CSMD2: variants seen among roughly 807,000 people sequenced by gnomAD.
CSMD2 encodes CUB and Sushi multiple domains 2.
In CSMD2, 130 loss-of-function variants were observed where a neutral mutation model predicts 398.5. That is an observed-to-expected ratio of 0.33 (90% CI 0.28 to 0.38). The LOEUF (loss-of-function observed/expected upper bound fraction) is 0.38. Ranked by LOEUF, CSMD2 falls within the 10% of genes least tolerant of loss-of-function variation. The pLI is 1.00. For missense variants in CSMD2, 3,829 were observed against 4,764.9 expected, an observed-to-expected ratio of 0.80 and a Z score of 5.78; for synonymous variants, 1,828 against 1,908.5, an observed-to-expected ratio of 0.96 and a Z score of 1.10.
At chr1:34,030,793 G>A (rs1421942420) in intron 3 of CSMD2, among the ~76,000 whole-genome samples, 1 of 152,142 alleles carries the variant, frequency 6.6e-6, no homozygotes, top group African/African-American at 2.4e-5. Flanking sequence ...GAGAGCCTAG[G>A]GCCCGGCCAG....
intron 1 of CSMD2, among the ~76,000 whole-genome samples, chr1:34,148,320 G>A (rs1191029821): frequency 1.3e-5 from 2 of 152,100 alleles, no homozygotes; most frequent in Non-Finnish European, 2.9e-5. Flanking sequence ...TCATTGCTCC[G>A]CATCAAAAAC....
At chr1:33,686,741 C>T (rs1276404804) in intron 25 of CSMD2, among the ~76,000 whole-genome samples, 20 of 152,214 alleles carry the variant, frequency 1.3e-4, no homozygotes. Context: ...TGCAAGCCTT[C>T]TCCTGTCTGT....
chr1:33,692,634 A>G lies in CSMD2; in HGVS notation c.4052+296T>C, dbSNP rs537134614. On this transcript the variant is annotated intron_variant, in intron 25 of 70. Transcript: ENST00000373381. Reference sequence around the variant, plus strand: ...TTTCCCAAAGTCCTGCAAACAGTACATGGAAGGGTTGGATTCAAATGGGGG... The same window carrying G: ...TTTCCCAAAGTCCTGCAAACAGTACGTGGAAGGGTTGGATTCAAATGGGGG... Among the ~76,000 whole-genome samples the G allele has an allele frequency of 4.3e-4, 65 of 152,352 alleles. No homozygotes were observed. In the South Asian group the frequency reaches 4.6e-3, roughly 11 times the overall value.
chr1:33,557,884 C>T lies in CSMD2; in HGVS notation c.8593G>A (p.Val2865Ile). 2 of 1,536,176 alleles carry T rather than the reference C, an allele frequency of 1.3e-6. No individual in the cohort carries two copies. The highest frequency in any genetic ancestry group is 2.4e-5 in the South Asian group (2 of 84,060). Residue 2865 changes from valine to isoleucine, a missense_variant, in exon 55 of 71, where the codon GTT becomes ATT. Around this residue, in one of 5 missense-constraint regions of CSMD2, gnomAD observed 917 missense variants for 1,199.5 expected, o/e 0.76. Coordinates refer to ENST00000373381, the MANE Select transcript of CSMD2 (RefSeq NM_001281956.2). Reference protein sequence around the residue: ...CTDPGHQENSVRQVHASGPHR... With the variant: ...CTDPGHQENSIRQVHASGPHR... The stretch of plus-strand genomic sequence containing the variant: ...GGGCCGCTGGCGTGGACCTGACGAA[C>T]ACTATTTTCTTGGTGTCCAGGATCT...
At chr1:33,783,974 G>A (rs753901337) in intron 12 of CSMD2, among the ~76,000 whole-genome samples, 6 of 151,124 alleles carry the variant, frequency 4.0e-5, no homozygotes, top group Non-Finnish European at 7.4e-5. Context: ...TTGAGTCCCC[G>A]GCCCCCACCA....
intron 39 of CSMD2, 62 bp from the exon 40 acceptor site, chr1:33,614,682 A>G: frequency 1.1e-6 from 1 of 905,600 alleles, no homozygotes; most frequent in East Asian, 2.5e-5. Context: ...GGGCCCTGCC[A>G]ATGTTTGGAA....
intron 56 of CSMD2, 30 bp downstream of exon 56, chr1:33,550,147 G>C (rs1319219668): frequency 1.9e-6 from 3 of 1,599,972 alleles, no homozygotes; most frequent in Non-Finnish European, 2.6e-6. Flanking sequence ...CATTCCACTG[G>C]AGCTCTTTCC....
chr1:34,162,247 G>A (rs1330729588), intron 1 of CSMD2, among the ~76,000 whole-genome samples: 1 of 151,248 alleles, frequency 6.6e-6, no homozygotes, highest in Non-Finnish European at 1.5e-5. Flanking sequence ...CTCCAGGGAG[G>A]CTGGGGTGGG....
At chr1:34,108,165 C>T (rs1660702683) in intron 1 of CSMD2, among the ~76,000 whole-genome samples, 1 of 152,050 alleles carries the variant, frequency 6.6e-6, no homozygotes, top group African/African-American at 2.4e-5. Context: ...TGGAACTGGC[C>T]TCATCCCTAA....
intron 5 of CSMD2, among the ~76,000 whole-genome samples, chr1:33,915,392 G>A (rs1318161410): frequency 6.6e-6 from 1 of 152,146 alleles, no homozygotes; most frequent in Non-Finnish European, 1.5e-5. Context: ...ATCCATAATT[G>A]CTATGCAAGT....
intron 1 of CSMD2, among the ~76,000 whole-genome samples, chr1:34,102,649 A>G (rs9699695): frequency 0.028 from 1,634 of 57,630 alleles, 71 homozygotes; most frequent in African/African-American, 0.098. Context: ...ATATCCCTGT[A>G]ATCCAACCAT....
intron 1 of CSMD2, among the ~76,000 whole-genome samples, chr1:34,106,190 C>G (rs1237970233): frequency 2.0e-5 from 3 of 152,070 alleles, no homozygotes; most frequent in African/African-American, 7.2e-5. Context: ...AGACATGGCC[C>G]ATCTTACTAG....
intron 25 of CSMD2, among the ~76,000 whole-genome samples, chr1:33,687,217 A>G (rs1395458361): frequency 6.6e-6 from 1 of 152,204 alleles, no homozygotes; most frequent in East Asian, 1.9e-4. Context: ...AATCAAACCA[A>G]ATGGCTCAAG....
intron 44 of CSMD2, among the ~76,000 whole-genome samples, chr1:33,589,841 AATT>A (rs938636933): frequency 6.6e-6 from 1 of 152,204 alleles, no homozygotes; most frequent in African/African-American, 2.4e-5. Context: ...CTTAGCCGTT[AATT>A]ATATTTTCCC....
rs11333218 is a variant in CSMD2 at position 33,514,280 on chromosome 1, CT to C, written c.*2343del. 0.39 allele frequency: 56,704 copies of C among 147,258 alleles called. 10,909 individuals are homozygous for C. Among genetic ancestry groups the C allele is most frequent in the Middle Eastern group, 0.44 (125 of 284 alleles). 9.1% of individuals were successfully genotyped at this position (147,258 alleles called of 1,614,324 possible). The stretch of plus-strand genomic sequence containing the variant: ...ACAATAATGAAAAAAAAATTTACAC[CT>C]TTTTTTTTTTCTTTTTTGGTACTGT... On this transcript the variant is annotated 3_prime_UTR_variant, in exon 71 of 71. Transcript: ENST00000373381.
rs1338763894 is a variant in CSMD2, at chr1:34,092,385, T to TA, written c.188-3193dup. ...TGATACCTAAGTTTAACTGGAAAAA[T>TA]AGATTGTCGGGGGGAGGAGCCAAGA... On this transcript the variant is annotated intron_variant, in intron 1 of 70. Transcript: ENST00000373381. Among the ~76,000 whole-genome samples, 4 of 152,016 alleles carry TA rather than the reference T, an allele frequency of 2.6e-5. No homozygotes were observed. The East Asian group carries it at 7.7e-4, about 29-fold the overall frequency.
rs140623267 is a variant in CSMD2 at position 34,023,814 on chromosome 1, C to T, written c.517+8780G>A. 3.5e-3 allele frequency among the ~76,000 whole-genome samples: 536 copies of T among 152,202 alleles called. 6 individuals carry two copies. The highest frequency in any genetic ancestry group is 0.012 in the African/African-American group (513 of 41,532). ...TAGGAGGAGTCTGAGAGGTGTAGTTCCTTATCTAAGGGCATACACTGGGGA... is the reference window on the plus strand; with the variant it reads ...TAGGAGGAGTCTGAGAGGTGTAGTTTCTTATCTAAGGGCATACACTGGGGA... On this transcript the variant is annotated intron_variant, in intron 3 of 70. Transcript: ENST00000373381.
At chr1:33,595,013 C>T (rs995212717) in intron 44 of CSMD2, among the ~76,000 whole-genome samples, 3 of 152,216 alleles carry the variant, frequency 2.0e-5, no homozygotes, top group African/African-American at 7.2e-5. Flanking sequence ...CACATTCTCT[C>T]ACATAACCAC....
At chr1:33,979,234 C>T (rs1451020243) in intron 3 of CSMD2, among the ~76,000 whole-genome samples, 2 of 152,202 alleles carry the variant, frequency 1.3e-5, no homozygotes, top group Non-Finnish European at 2.9e-5. Flanking sequence ...CCAGTAGGAC[C>T]TGGCCCCGTC....
Sources: gnomAD v4.1 joint callset for allele counts (sites outside exome capture counted in the v4.1 genomes callset) on GRCh38, gnomAD v4.1.1 for gene constraint, gnomAD v4.1.1 regional missense constraint, MANE v1.5 for transcripts, NCBI Gene and HGNC (gene_info 2026-07-23, HGNC 2026-07-21) for gene names.